PDZD2: variants seen among roughly 807,000 people sequenced by gnomAD.
PDZD2 encodes the protein PDZ domain containing 2, also known as PDZ domain-containing protein 2.
A neutral mutation model predicts 220.7 loss-of-function variants in PDZD2; 90 were observed. The observed-to-expected ratio is 0.41, with a 90% confidence interval of 0.34 to 0.49. PDZD2 has a LOEUF of 0.49. Ranked by LOEUF, PDZD2 falls within the 20% of genes least tolerant of loss-of-function variation. PDZD2 has a pLI of 0.28. For missense variants in PDZD2, 3,174 were observed against 3,608.5 expected (o/e 0.88, Z 3.08); for synonymous variants, 1,375 against 1,450.5 (o/e 0.95, Z 1.18).
chr5:31,738,354 T>G (rs555865677), intron 1 of PDZD2: 4 of 152,524 alleles, frequency 2.6e-5, no homozygotes, highest in African/African-American at 9.6e-5. Context: ...GGTGCTGGGT[T>G]TGTCGGTGCA....
intron 1 of PDZD2, among the ~76,000 whole-genome samples, chr5:31,776,140 C>A (rs531705901): frequency 7.2e-4 from 109 of 152,284 alleles, no homozygotes; most frequent in Non-Finnish European, 1.2e-3. Flanking sequence ...GAATAAGGGG[C>A]CTTCACTGGC....
intron 2 of PDZD2, among the ~76,000 whole-genome samples, chr5:31,848,456 A>G (rs1156938901): frequency 6.6e-6 from 1 of 152,248 alleles, no homozygotes; most frequent in Non-Finnish European, 1.5e-5. Flanking sequence ...CCTATCAGAA[A>G]GTGAACTTGG....
At chr5:31,739,100 G>T (rs987346008) in intron 1 of PDZD2, among the ~76,000 whole-genome samples, 3 of 152,120 alleles carry the variant, frequency 2.0e-5, no homozygotes, top group African/African-American at 4.8e-5. Context: ...TGGCCAGGCT[G>T]GTCTTGAACT....
chr5:31,937,581 G>C (rs981494943), intron 2 of PDZD2, among the ~76,000 whole-genome samples: 1 of 152,210 alleles, frequency 6.6e-6, no homozygotes, highest in Non-Finnish European at 1.5e-5. Flanking sequence ...GGGGATGGCT[G>C]TGTTTAGTCA....
chr5:32,053,082 T>C (rs1738740555), intron 9 of PDZD2, among the ~76,000 whole-genome samples: 3 of 152,232 alleles, frequency 2.0e-5, no homozygotes, highest in African/African-American at 7.2e-5. Flanking sequence ...TTCAAGTGGA[T>C]TCCCTGGCAT....
chr5:31,827,491 G>A (rs1756296750), intron 2 of PDZD2, among the ~76,000 whole-genome samples: 2 of 151,934 alleles, frequency 1.3e-5, no homozygotes, highest in Admixed American at 6.6e-5. Context: ...TCAGGAGTTC[G>A]AGACTAGCCT....
intron 2 of PDZD2, among the ~76,000 whole-genome samples, chr5:31,804,134 T>C (rs1323522915): frequency 6.6e-6 from 1 of 152,028 alleles, no homozygotes; most frequent in Non-Finnish European, 1.5e-5. Context: ...TAAAATCTTG[T>C]TTAGTGGTCA....
At chr5:31,649,717 G>A (rs918915219) in intron 1 of PDZD2, among the ~76,000 whole-genome samples, 2 of 151,958 alleles carry the variant, frequency 1.3e-5, no homozygotes, top group African/African-American at 2.4e-5. Flanking sequence ...GGCAGATCAC[G>A]AGGTCAGGAG....
At chr5:31,937,598 C>A (rs112405550) in intron 2 of PDZD2, among the ~76,000 whole-genome samples, 1,655 of 152,296 alleles carry the variant, frequency 0.011, 31 homozygotes, top group African/African-American at 0.038. Flanking sequence ...GTCAAGCAAG[C>A]CCACACATCA....
In PDZD2 at chr5:32,090,148, G is replaced by A; in HGVS notation, c.6700G>A (p.Gly2234Arg). Residue 2234 changes from glycine to arginine, a missense_variant, in exon 20 of 25, where the codon GGA (glycine) becomes AGA (arginine). Physicochemically the swap from Gly to Arg is moderately radical, Grantham distance 125. Transcript: ENST00000438447. The surrounding 1 kb of genome is among the most constrained non-coding windows in gnomAD (Gnocchi z 4.3). ...SMPAQFSSHF[G>R]REGHPPHSLG... ...GCCAGCCCAGTTCTCAAGCCATTTT[G>A]GACGGGAGGGTCACCCCCCACACAG... 1 of 1,613,984 alleles carries A rather than the reference G, an allele frequency of 6.2e-7. No individual in the cohort carries two copies. The highest frequency in any genetic ancestry group is 2.2e-5 in the East Asian group (1 of 44,862).
chr5:31,896,582 G>T (rs1383793699), intron 2 of PDZD2, among the ~76,000 whole-genome samples: 1 of 152,148 alleles, frequency 6.6e-6, no homozygotes, highest in East Asian at 1.9e-4. Context: ...TGTTAAACAG[G>T]TTAAAGTTCT....
At chr5:31,744,929 C>T (rs907641979) in intron 1 of PDZD2, among the ~76,000 whole-genome samples, 1 of 151,938 alleles carries the variant, frequency 6.6e-6, no homozygotes, top group Non-Finnish European at 1.5e-5. Flanking sequence ...AAAAATTAGC[C>T]GGGCGTGGTG....
chr5:31,832,811 G>A (rs1312325527), intron 2 of PDZD2, among the ~76,000 whole-genome samples: 4 of 151,350 alleles, frequency 2.6e-5, no homozygotes, highest in African/African-American at 7.3e-5. Flanking sequence ...GCGAGACTCT[G>A]TCTCAAAAAA....
Position 32,071,392 on chromosome 5 carries a change from T to C in PDZD2, c.2542T>C (p.Leu848=). The C allele has an allele frequency of 6.2e-7, 1 of 1,609,844 alleles. No individual in the cohort carries two copies. Among genetic ancestry groups the C allele is most frequent in the Non-Finnish European group, 8.5e-7 (1 of 1,176,118 alleles). ...AATTTTCCCTCCAACAGGTACCCCC[T>C]TGAAGAGTCCCTCTCTTGCAAAAAA... ...ANSSPGLGTP[L]KSPSLAKKDS... The change falls in exon 16 of 25, where the codon TTG becomes CTG. Residue 848 remains leucine, a synonymous_variant. Coordinates refer to ENST00000438447, the MANE Select transcript of PDZD2 (RefSeq NM_178140.4).
rs191680993 is a variant in PDZD2 at position 31,906,685 on chromosome 5, A to T, written c.477-76470A>T. On this transcript the variant is annotated intron_variant, in intron 2 of 24. Coordinates refer to ENST00000438447, the MANE Select transcript of PDZD2 (RefSeq NM_178140.4). ...TGGTGAAACCCCGTCTCTACTAAAA[A>T]TACAAAAATTAGCCGGGCATGGTGG... 7.4e-3 allele frequency among the ~76,000 whole-genome samples: 1,121 copies of T among 152,184 alleles called. 11 individuals are homozygous for T. Among genetic ancestry groups the T allele is most frequent in the African/African-American group, 0.025 (1,052 of 41,530 alleles).
At chr5:31,917,409 T>A (rs1282029756) in intron 2 of PDZD2, among the ~76,000 whole-genome samples, 1 of 152,128 alleles carries the variant, frequency 6.6e-6, no homozygotes, top group Non-Finnish European at 1.5e-5. Flanking sequence ...GTGCCTGCAG[T>A]CCCAGCTACT....
intron 2 of PDZD2, among the ~76,000 whole-genome samples, chr5:31,897,026 C>T (rs12652133): frequency 0.011 from 1,639 of 151,744 alleles, 90 homozygotes; most frequent in East Asian, 0.11. Context: ...ATTTTATTTT[C>T]TTAAATGTTA....
chr5:31,945,004 T>C (rs1186481907), intron 2 of PDZD2, among the ~76,000 whole-genome samples: 2 of 152,224 alleles, frequency 1.3e-5, no homozygotes, highest in Non-Finnish European at 2.9e-5. Flanking sequence ...GCTTTCTTCT[T>C]TCCAGAAGGG....
At position 32,089,897 on chromosome 5, in the gene PDZD2, A is replaced by T. The variant is rs559743051; in HGVS notation, c.6449A>T (p.His2150Leu). The stretch of plus-strand genomic sequence containing the variant: ...AGTCATCCATCCTCACTCCCATCTC[A>T]TGCCTCCCAGGCAGAGCAGGAAATG... ...STSHPSSLPS[H>L]ASQAEQEMSR... The change falls in exon 20 of 25, where the codon CAT becomes CTT. Residue 2150 changes from histidine (H) to leucine (L), a missense_variant. Transcript: ENST00000438447. 1.9e-6 allele frequency: 3 copies of T among 1,608,512 alleles called. No homozygotes were observed. In the African/African-American group the frequency reaches 4.0e-5, roughly 21 times the overall value.
Sources: gnomAD v4.1 joint callset for allele counts (sites outside exome capture counted in the v4.1 genomes callset) on GRCh38, gnomAD v4.1.1 for gene constraint, Gnocchi (gnomAD v3.1) non-coding constraint, MANE v1.5 for transcripts, NCBI Gene and HGNC (gene_info 2026-07-23, HGNC 2026-07-21) for gene names.